The following XKR6 variants were observed in gnomAD, a reference collection of about 807,000 sequenced individuals.
XKR6 encodes the protein XK related 6.
Under a neutral mutation model 56.7 loss-of-function variants are expected in XKR6, and 22 were observed. The ratio of observed to expected loss-of-function variants is 0.39; its 90% CI spans 0.28 to 0.55. The LOEUF (loss-of-function observed/expected upper bound fraction) is 0.55. Ranked by LOEUF, XKR6 falls within the 20% of genes least tolerant of loss-of-function variation. The pLI is 0.66. For missense variants in XKR6, 852 were observed against 889.0 expected, an observed-to-expected ratio of 0.96 and a Z score of 0.53; for synonymous variants, 524 against 387.8, an observed-to-expected ratio of 1.35 and a Z score of -4.13.
intron 1 of XKR6, among the ~76,000 whole-genome samples, chr8:11,144,630 G>C (rs1015628963): frequency 1.3e-5 from 2 of 152,014 alleles, no homozygotes; most frequent in African/African-American, 4.8e-5. Flanking sequence ...CCCTCACTCA[G>C]GCAGATACCT....
At chr8:10,958,563 G>A (rs1010862812) in intron 1 of XKR6, among the ~76,000 whole-genome samples, 5 of 152,212 alleles carry the variant, frequency 3.3e-5, no homozygotes, top group African/African-American at 7.2e-5. Context: ...CAGCACCCAT[G>A]AGGGAAAGAA....
intron 1 of XKR6, among the ~76,000 whole-genome samples, chr8:11,128,569 A>C (rs1799943692): frequency 6.6e-6 from 1 of 152,204 alleles, no homozygotes; most frequent in African/African-American, 2.4e-5. Context: ...TAGTCATCAA[A>C]GTGAGGCAGT....
At chr8:10,940,813 G>T (rs1801366461) in intron 1 of XKR6, among the ~76,000 whole-genome samples, 1 of 152,184 alleles carries the variant, frequency 6.6e-6, no homozygotes, top group Non-Finnish European at 1.5e-5. Flanking sequence ...CCCATCACCA[G>T]CAAACTGCTT....
intron 1 of XKR6, among the ~76,000 whole-genome samples, chr8:11,056,144 T>C (rs1461282992): frequency 6.6e-6 from 1 of 152,166 alleles, no homozygotes; most frequent in East Asian, 1.9e-4. Flanking sequence ...AGCTTCCTCC[T>C]CTAGGAGCGC....
At chr8:11,059,427 CAGCGCTCA>C (rs1364364262) in intron 1 of XKR6, among the ~76,000 whole-genome samples, 237 of 152,332 alleles carry the variant, frequency 1.6e-3, no homozygotes, top group African/African-American at 5.4e-3. Flanking sequence ...CGGCCGAGGG[CAGCGCTCA>C]GCTCCGCGTC....
chr8:11,118,794 G>T (rs150951013), intron 1 of XKR6, among the ~76,000 whole-genome samples: 2 of 152,034 alleles, frequency 1.3e-5, no homozygotes, highest in South Asian at 4.2e-4. Context: ...AGGGTTTTTT[G>T]TGTCTCTATT....
At chr8:11,171,767 C>T (rs1404183605) in intron 1 of XKR6, among the ~76,000 whole-genome samples, 1 of 152,086 alleles carries the variant, frequency 6.6e-6, no homozygotes, top group Non-Finnish European at 1.5e-5. Flanking sequence ...GTTACCCAGT[C>T]TCGGGCCAGG....
intron 1 of XKR6, among the ~76,000 whole-genome samples, chr8:11,116,639 G>A (rs1799189652): frequency 6.6e-6 from 1 of 152,134 alleles, no homozygotes; most frequent in Non-Finnish European, 1.5e-5. Context: ...CCAAAGTGCT[G>A]GGATTACAGG....
At chr8:11,013,601 T>C (rs1421417571) in intron 1 of XKR6, among the ~76,000 whole-genome samples, 1 of 152,166 alleles carries the variant, frequency 6.6e-6, no homozygotes, top group Non-Finnish European at 1.5e-5. Context: ...TTTTAAAAAT[T>C]GCAGTGCCTA....
At chr8:11,150,074 T>A (rs1330977603) in intron 1 of XKR6, among the ~76,000 whole-genome samples, 1 of 152,024 alleles carries the variant, frequency 6.6e-6, no homozygotes, top group African/African-American at 2.4e-5. Flanking sequence ...TGGGAAGAGT[T>A]GGGTGGGGGA....
intron 1 of XKR6, among the ~76,000 whole-genome samples, chr8:11,048,608 G>T (rs564831957): frequency 6.6e-6 from 1 of 152,314 alleles, no homozygotes; most frequent in Non-Finnish European, 1.5e-5. Flanking sequence ...CGAGGATTCG[G>T]ATGCACGGTG....
intron 1 of XKR6, among the ~76,000 whole-genome samples, chr8:11,181,037 T>A (rs1490754242): frequency 2.6e-5 from 4 of 152,278 alleles, no homozygotes; most frequent in Non-Finnish European, 5.9e-5. Context: ...GTTTAAAAGT[T>A]TGGGATGTAT....
chr8:10,911,637 T>G, intron 2 of XKR6, among the ~76,000 whole-genome samples: 1 of 143,624 alleles, frequency 7.0e-6, no homozygotes, highest in Admixed American at 7.1e-5. Context: ...AGGGGGTGAG[T>G]ATATATATAT....
intron 1 of XKR6, among the ~76,000 whole-genome samples, chr8:10,980,963 C>T (rs1192497021): frequency 2.0e-5 from 3 of 152,056 alleles, no homozygotes; most frequent in African/African-American, 4.8e-5. Flanking sequence ...AGCAGAACTC[C>T]ATAAGCTGTT....
At chr8:11,146,075 T>C (rs1800967501) in intron 1 of XKR6, among the ~76,000 whole-genome samples, 1 of 152,038 alleles carries the variant, frequency 6.6e-6, no homozygotes, top group Non-Finnish European at 1.5e-5. Flanking sequence ...GCAAGGGCAA[T>C]TCAGTAAAGA....
At chr8:10,971,964 T>C (rs1198756738) in intron 1 of XKR6, among the ~76,000 whole-genome samples, 1 of 151,250 alleles carries the variant, frequency 6.6e-6, no homozygotes, top group African/African-American at 2.4e-5. Context: ...TTTAGTCTCA[T>C]CTCCTTGCCA....
chr8:11,196,650 C>A (rs1025297255), intron 1 of XKR6, among the ~76,000 whole-genome samples: 15 of 152,224 alleles, frequency 9.9e-5, no homozygotes, highest in Admixed American at 5.9e-4. Context: ...ATATTCCTCT[C>A]CAAGTGGAAT....
intron 1 of XKR6, among the ~76,000 whole-genome samples, chr8:10,979,566 T>A (rs1797680183): frequency 6.6e-6 from 1 of 152,178 alleles, no homozygotes; most frequent in Non-Finnish European, 1.5e-5. Context: ...CCAAGACAGT[T>A]GGTCAAGCCA....
intron 1 of XKR6, among the ~76,000 whole-genome samples, chr8:10,932,113 AG>A: frequency 6.6e-6 from 1 of 152,360 alleles, no homozygotes; most frequent in East Asian, 1.9e-4. Context: ...ACAAGTAAAT[AG>A]GGAAATGTAT....
Sources: allele counts gnomAD v4.1 joint callset (sites outside exome capture counted in the v4.1 genomes callset), GRCh38; gene constraint gnomAD v4.1.1; transcripts MANE v1.5; gene names NCBI Gene and HGNC (gene_info 2026-07-23, HGNC 2026-07-21).